Variants in KLHL1 observed in about 807,000 individuals in gnomAD.
KLHL1 encodes kelch like family member 1, also known as kelch-like protein 1.
Under a neutral mutation model 77.7 loss-of-function variants are expected in KLHL1, and 47 were observed. That is an observed-to-expected ratio of 0.60 (90% CI 0.48 to 0.77). The LOEUF is 0.77. Among genes scored for constraint, KLHL1 ranks in the 30% least tolerant of loss-of-function variants. KLHL1 has a pLI of 0.00. For missense variants in KLHL1, 925 were observed against 910.8 expected (o/e 1.02, Z -0.20); for synonymous variants, 360 against 325.2 (o/e 1.11, Z -1.15).
intron 6 of KLHL1, among the ~76,000 whole-genome samples, chr13:69,818,638 A>G (rs1256941014): frequency 6.6e-6 from 1 of 152,196 alleles, no homozygotes; most frequent in Non-Finnish European, 1.5e-5. Context: ...TTAGCAAGAC[A>G]GTAAGTGGTT....
intron 1 of KLHL1, among the ~76,000 whole-genome samples, chr13:70,020,850 A>AT (rs1885772481): frequency 6.6e-6 from 1 of 151,662 alleles, no homozygotes; most frequent in Non-Finnish European, 1.5e-5. Context: ...TGTATTTTCT[A>AT]TTTTTTACTT....
At chr13:69,876,794 T>C (rs1413342568) in intron 5 of KLHL1, among the ~76,000 whole-genome samples, 1 of 152,100 alleles carries the variant, frequency 6.6e-6, no homozygotes, top group Non-Finnish European at 1.5e-5. Context: ...TCCCAACACT[T>C]TGGGAGGCCG....
chr13:70,003,194 A>T (rs2137328069), intron 1 of KLHL1, among the ~76,000 whole-genome samples: 1 of 151,862 alleles, frequency 6.6e-6, no homozygotes, highest in African/African-American at 2.4e-5. Context: ...TCTCCATAAT[A>T]TTGCACATAT....
At chr13:69,883,968 A>C (rs1033930320) in intron 4 of KLHL1, among the ~76,000 whole-genome samples, 1 of 152,172 alleles carries the variant, frequency 6.6e-6, no homozygotes, top group Non-Finnish European at 1.5e-5. Flanking sequence ...TAGCCACAGG[A>C]CACATATTTT....
In KLHL1 at chr13:69,814,167, G is replaced by C. The variant is rs150289379; in HGVS notation, c.1415-17205C>G. On this transcript the variant is annotated intron_variant, in intron 6 of 10. Coordinates refer to ENST00000377844, the MANE Select transcript of KLHL1 (RefSeq NM_020866.3). ...GGAAAGAATACCCTAATCAATAAAT[G>C]GTTTCGGGAACACAGGCTTACCATA... Among the ~76,000 whole-genome samples the C allele has an allele frequency of 4.9e-4, 74 of 152,138 alleles. 1 individual carries two copies. The highest frequency in any genetic ancestry group is 1.7e-3 in the African/African-American group (70 of 41,504).
intron 8 of KLHL1, among the ~76,000 whole-genome samples, chr13:69,727,787 A>T (rs943208733): frequency 6.6e-6 from 1 of 152,158 alleles, no homozygotes; most frequent in African/African-American, 2.4e-5. Flanking sequence ...TCCTTGAGCA[A>T]TTAGAAACAA....
chr13:69,985,770 T>C lies in KLHL1; in HGVS notation c.498-9968A>G, dbSNP rs530606911. Reference sequence around the variant, plus strand: ...AAGGCTAAATGGATAAACAAAAATGTGATCCATATATATATATATATATTT... The same window carrying C: ...AAGGCTAAATGGATAAACAAAAATGCGATCCATATATATATATATATATTT... On this transcript the variant is annotated intron_variant, in intron 1 of 10. Coordinates refer to ENST00000377844, the MANE Select transcript of KLHL1 (RefSeq NM_020866.3). 6.9e-5 allele frequency among the ~76,000 whole-genome samples: 10 copies of C among 145,108 alleles called. No individual in the cohort carries two copies. In the South Asian group the frequency reaches 1.1e-3, roughly 15 times the overall value.
intron 1 of KLHL1, among the ~76,000 whole-genome samples, chr13:70,083,576 T>C (rs1009931013): frequency 2.0e-5 from 3 of 152,132 alleles, no homozygotes; most frequent in African/African-American, 4.8e-5. Context: ...ATTGTGAAGA[T>C]AACTACAAAA....
chr13:70,058,345 A>T (rs1443339527), intron 1 of KLHL1, among the ~76,000 whole-genome samples: 1 of 152,086 alleles, frequency 6.6e-6, no homozygotes, highest in African/African-American at 2.4e-5. Flanking sequence ...GCCTCCACCA[A>T]AAAAAAGCTA....
intron 8 of KLHL1, among the ~76,000 whole-genome samples, chr13:69,737,216 C>G (rs1174455975): frequency 6.6e-6 from 1 of 152,214 alleles, no homozygotes; most frequent in Non-Finnish European, 1.5e-5. Context: ...CCCATACCAC[C>G]AGGGCCTTCA....
chr13:69,728,073 TA>T (rs1873379827), intron 8 of KLHL1, among the ~76,000 whole-genome samples: 1 of 152,168 alleles, frequency 6.6e-6, no homozygotes, highest in African/African-American at 2.4e-5. Flanking sequence ...GTATGTGAAT[TA>T]AAATTCTCCT....
intron 5 of KLHL1, among the ~76,000 whole-genome samples, chr13:69,861,965 CAAAATAAAATAAAATAAAAT>C (rs58892254): frequency 0.019 from 2,349 of 123,312 alleles, 58 homozygotes; most frequent in African/African-American, 0.063. Flanking sequence ...AACTCCGTCT[CAAAATAAAATAAAATAAAAT>C]AAAATAAAAT....
chr13:69,867,921 G>A (rs571518831), intron 5 of KLHL1, among the ~76,000 whole-genome samples: 53 of 151,770 alleles, frequency 3.5e-4, no homozygotes, highest in Non-Finnish European at 6.5e-4. Context: ...GTTAATGGGT[G>A]CAGCACACCA....
intron 7 of KLHL1, among the ~76,000 whole-genome samples, chr13:69,765,799 C>T (rs191368394): frequency 7.4e-4 from 113 of 152,296 alleles, no homozygotes; most frequent in Non-Finnish European, 1.2e-3. Context: ...CGATCTGTTG[C>T]TAAACAGAGA....
At chr13:69,754,736 T>C (rs560134688) in intron 7 of KLHL1, among the ~76,000 whole-genome samples, 63 of 152,304 alleles carry the variant, frequency 4.1e-4, no homozygotes, top group African/African-American at 1.4e-3. Flanking sequence ...TGTTGCACAA[T>C]GGCTTTTCTT....
chr13:69,973,996 C>A (rs1401768847), intron 2 of KLHL1, among the ~76,000 whole-genome samples: 2 of 151,912 alleles, frequency 1.3e-5, no homozygotes, highest in Non-Finnish European at 2.9e-5. Context: ...TTTCCACAAG[C>A]GTCTTATGAA....
chr13:70,045,575 AACACAC>A (rs35057277), intron 1 of KLHL1, among the ~76,000 whole-genome samples: 2 of 150,480 alleles, frequency 1.3e-5, no homozygotes, highest in African/African-American at 2.4e-5. Flanking sequence ...AAAAACACAC[AACACAC>A]ACACACACAC....
chr13:69,943,510 G>T (rs1042555687), intron 3 of KLHL1, among the ~76,000 whole-genome samples: 2 of 151,832 alleles, frequency 1.3e-5, no homozygotes, highest in Admixed American at 6.6e-5. Context: ...TTAAAATATA[G>T]ATTTGAATGA....
intron 9 of KLHL1, among the ~76,000 whole-genome samples, chr13:69,716,681 C>T (rs1426040963): frequency 1.3e-5 from 2 of 152,156 alleles, no homozygotes; most frequent in African/African-American, 2.4e-5. Flanking sequence ...AGCAGTGGGA[C>T]TGATGCCTTT....
Sources: gnomAD v4.1 joint callset for allele counts (sites outside exome capture counted in the v4.1 genomes callset) on GRCh38, gnomAD v4.1.1 for gene constraint, MANE v1.5 for transcripts, NCBI Gene and HGNC (gene_info 2026-07-23, HGNC 2026-07-21) for gene names.